Variants in PSME4 observed in about 807,000 individuals in gnomAD.
PSME4 encodes the protein proteasome activator subunit 4.
Under a neutral mutation model 253.9 loss-of-function variants are expected in PSME4, and 89 were observed. The observed-to-expected ratio is 0.35, with a 90% CI of 0.30 to 0.42. The LOEUF (loss-of-function observed/expected upper bound fraction) is 0.42. PSME4 is among the 10% of genes least tolerant of loss of function. The pLI is 1.00. For missense variants in PSME4, 2,014 were observed against 2,195.2 expected, an observed-to-expected ratio of 0.92 and a Z score of 1.65; for synonymous variants, 851 against 759.2, an observed-to-expected ratio of 1.12 and a Z score of -1.99.
chr2:53,969,863 G>C (rs912347037), intron 1 of PSME4, among the ~76,000 whole-genome samples: 1 of 151,970 alleles, frequency 6.6e-6, no homozygotes, highest in African/African-American at 2.4e-5. Flanking sequence ...ACTTTCCTCA[G>C]TATCTTAAAT....
chr2:53,955,082 G>A (rs1670171603), intron 1 of PSME4, among the ~76,000 whole-genome samples: 2 of 151,572 alleles, frequency 1.3e-5, no homozygotes, highest in Admixed American at 6.6e-5. Context: ...GAAACACGAG[G>A]AGCATCTGAG....
chr2:53,879,895 C>T (rs1196752617), intron 41 of PSME4, among the ~76,000 whole-genome samples: 1 of 151,374 alleles, frequency 6.6e-6, no homozygotes, highest in African/African-American at 2.4e-5. Flanking sequence ...ATTTTTTATC[C>T]CTGGCATGTG....
rs763164330 is a variant in PSME4 at position 53,936,095 on chromosome 2, C to T, written c.826G>A (p.Val276Ile). The T allele has an allele frequency of 4.3e-6, 7 of 1,612,390 alleles. No individual in the cohort carries two copies. The South Asian group carries it at 4.4e-5, about 10-fold the overall frequency. Residue 276 changes from valine to isoleucine, a missense_variant, in exon 7 of 47, where the codon GTA (valine) becomes ATA (isoleucine). Around this residue, in one of 4 missense-constraint regions of PSME4, gnomAD observed 615 missense variants for 594.4 expected, o/e 1.03. Coordinates refer to ENST00000404125, the MANE Select transcript of PSME4 (RefSeq NM_014614.3). ...CCCAAAATGTTAATTACCTTTGGTA[C>T]ATATGGATCCCAATCTATGTACCCT... Reference protein sequence around the residue: ...NIGYIDWDPYVPKIFTRILRS... With the variant: ...NIGYIDWDPYIPKIFTRILRS...
At chr2:53,969,694 T>C (rs1040871356) in intron 1 of PSME4, among the ~76,000 whole-genome samples, 1 of 151,820 alleles carries the variant, frequency 6.6e-6, no homozygotes, top group Non-Finnish European at 1.5e-5. Context: ...CTCGTTTTTT[T>C]TTTTTTTTTC....
chr2:53,943,898 G>A (rs891340649), intron 3 of PSME4, among the ~76,000 whole-genome samples: 9 of 148,638 alleles, frequency 6.1e-5, no homozygotes, highest in Admixed American at 2.7e-4. Context: ...CATTTTCCTT[G>A]CTGATGCACA....
chr2:53,951,899 G>A (rs1029282891), intron 1 of PSME4, among the ~76,000 whole-genome samples: 16 of 152,146 alleles, frequency 1.1e-4, no homozygotes, highest in African/African-American at 3.6e-4. Context: ...GATTAGTGAA[G>A]ACAAAAGATC....
At chr2:53,929,705 A>C (rs1322587001) in intron 10 of PSME4, among the ~76,000 whole-genome samples, 2 of 151,986 alleles carry the variant, frequency 1.3e-5, no homozygotes, top group African/African-American at 4.8e-5. Context: ...GTTTTTAAAA[A>C]AGTTTTGCTT....
At chr2:53,903,258 A>T (rs979512787) in intron 27 of PSME4, among the ~76,000 whole-genome samples, 1 of 152,182 alleles carries the variant, frequency 6.6e-6, no homozygotes, top group Non-Finnish European at 1.5e-5. Flanking sequence ...AAACTAGTCC[A>T]AATTAACTAT....
chr2:53,878,691 C>A (rs1054128026), intron 41 of PSME4, among the ~76,000 whole-genome samples: 2 of 152,174 alleles, frequency 1.3e-5, no homozygotes, highest in East Asian at 3.9e-4. Context: ...CCCGGTCTCC[C>A]GTAGTGCTCC....
chr2:53,958,364 C>G (rs1225981445), intron 1 of PSME4, among the ~76,000 whole-genome samples: 2 of 92,190 alleles, frequency 2.2e-5, no homozygotes, highest in Non-Finnish European at 2.7e-5. Context: ...TCAAAAAAAA[C>G]AAAAAAACAA....
chr2:53,939,809 G>C, intron 4 of PSME4, 147 bp downstream of exon 4: 1 of 564,892 alleles, frequency 1.8e-6, no homozygotes. Flanking sequence ...TTCAGTTAAT[G>C]AACTGGAAAC....
At chr2:53,944,954 C>T (rs1378333265) in intron 3 of PSME4, among the ~76,000 whole-genome samples, 1 of 151,906 alleles carries the variant, frequency 6.6e-6, no homozygotes, top group Non-Finnish European at 1.5e-5. Context: ...ACCCTTAGAA[C>T]AATACATGTA....
intron 1 of PSME4, among the ~76,000 whole-genome samples, chr2:53,965,552 C>T (rs1219457757): frequency 1.5e-5 from 2 of 137,914 alleles, no homozygotes; most frequent in Non-Finnish European, 3.2e-5. Flanking sequence ...GTTGTGGAGC[C>T]CTGAGGAGGT....
intron 1 of PSME4, among the ~76,000 whole-genome samples, chr2:53,953,365 G>A (rs1670086976): frequency 6.6e-6 from 1 of 151,446 alleles, no homozygotes; most frequent in Non-Finnish European, 1.5e-5. Flanking sequence ...ATTAAAAATG[G>A]GCAAAAAGGC....
chr2:53,953,308 A>C (rs972977157), intron 1 of PSME4, among the ~76,000 whole-genome samples: 1 of 152,098 alleles, frequency 6.6e-6, no homozygotes, highest in Admixed American at 6.5e-5. Flanking sequence ...CATATATTTG[A>C]CAAAGAACTC....
At chr2:53,908,161 T>C (rs1667654116) in intron 24 of PSME4, 159 bp downstream of exon 24, 2 of 573,154 alleles carry the variant, frequency 3.5e-6, no homozygotes, top group South Asian at 5.2e-5. Context: ...CTAGGATCCA[T>C]TTGATTTCTA....
intron 11 of PSME4, 43 bp from the exon 12 acceptor site, chr2:53,927,526 AT>A: frequency 7.6e-7 from 1 of 1,318,582 alleles, no homozygotes; most frequent in South Asian, 1.2e-5. Context: ...CATAATTCTA[AT>A]TCAGAAATAC....
Position 53,888,790 on chromosome 2 carries a change from A to C in PSME4, c.4319T>G (p.Leu1440Arg). 6.2e-7 allele frequency: 1 copy of C among 1,612,412 alleles called. No homozygotes were observed. The highest frequency in any genetic ancestry group is 8.5e-7 in the Non-Finnish European group (1 of 1,178,732). ...CAACAGCAGTTCAAAAAGCCAGTGA[A>C]GTTTCCGGGGATCTCTGCTTTCCTG... is the stretch of plus-strand genomic sequence containing the variant. Reference protein sequence around the residue: ...TSCESRDPRKLHWLFELLLES... With the variant: ...TSCESRDPRKRHWLFELLLES... Residue 1440 changes from leucine to arginine, a missense_variant, in exon 38 of 47, where the codon CTT becomes CGT. By Grantham distance (102) the Leu-to-Arg change is moderately radical. Coordinates refer to ENST00000404125, the MANE Select transcript of PSME4 (RefSeq NM_014614.3).
chr2:53,888,725 C>T lies in PSME4; in HGVS notation c.4384G>A (p.Ala1462Thr). 1 of 1,606,668 alleles carries T rather than the reference C, an allele frequency of 6.2e-7. No individual in the cohort carries two copies. The highest frequency in any genetic ancestry group is 8.5e-7 in the Non-Finnish European group (1 of 1,174,186). ...AGGTTTTTTAAAAAAATTTACCATGCATCTACAAAGGATCCTCCTTCACCA... is the reference window on the plus strand; with the variant it reads ...AGGTTTTTTAAAAAAATTTACCATGTATCTACAAAGGATCCTCCTTCACCA... ...LSGEGGSFVD[A>T]CRLYVLQGGL... Residue 1462 changes from alanine to threonine, a missense_variant, in exon 38 of 47, where the codon GCA becomes ACA. Ala to Thr is a moderately conservative substitution (Grantham distance 58). Transcript: ENST00000404125.
Sources: gnomAD v4.1 joint callset for allele counts (sites outside exome capture counted in the v4.1 genomes callset) on GRCh38, gnomAD v4.1.1 for gene constraint, gnomAD v4.1.1 regional missense constraint, MANE v1.5 for transcripts, NCBI Gene and HGNC (gene_info 2026-07-23, HGNC 2026-07-21) for gene names.